Variants in FAM117A observed in about 807,000 individuals in gnomAD.
FAM117A encodes family with sequence similarity 117 member A.
FAM117A carries 21 observed loss-of-function variants against 44.1 expected under a neutral mutation model. The observed-to-expected ratio is 0.48, with a 90% CI of 0.34 to 0.69. The LOEUF is 0.69. Ranked by LOEUF, FAM117A falls within the 30% of genes least tolerant of loss-of-function variation. FAM117A has a pLI of 0.01. For missense variants in FAM117A, 498 were observed against 589.9 expected (o/e 0.84, Z 1.61); for synonymous variants, 220 against 238.3 (o/e 0.92, Z 0.71).
At chr17:49,711,683 A>G in intron 7 of FAM117A, 128 bp from the exon 8 acceptor site, 2 of 859,830 alleles carry the variant, frequency 2.3e-6, no homozygotes, top group Non-Finnish European at 3.5e-6. Context: ...CAGAATTGGA[A>G]CTTGACCGAA....
intron 2 of FAM117A, among the ~76,000 whole-genome samples, chr17:49,730,935 CTCCATCTCA>C (rs1267858570): frequency 6.6e-6 from 1 of 152,160 alleles, no homozygotes; most frequent in African/African-American, 2.4e-5. Flanking sequence ...AGATATTTGG[CTCCATCTCA>C]TCCCTTGGCT....
chr17:49,788,709 G>A, upstream of FAM117A: 1 of 1,018,672 alleles, frequency 9.8e-7, no homozygotes, highest in South Asian at 1.7e-5. Context: ...TGAGAGGCAG[G>A]AGGCACTAGG....
intron 5 of FAM117A, among the ~76,000 whole-genome samples, chr17:49,719,114 TAGTC>T (rs1207053241): frequency 1.3e-5 from 2 of 149,860 alleles, no homozygotes; most frequent in African/African-American, 2.5e-5. Flanking sequence ...ATACAAAAAT[TAGTC>T]AGGCGTGGTG....
intron 1 of FAM117A, among the ~76,000 whole-genome samples, chr17:49,738,082 T>C (rs1480775561): frequency 6.6e-6 from 1 of 152,232 alleles, no homozygotes; most frequent in African/African-American, 2.4e-5. Flanking sequence ...AGGAAGCCTT[T>C]GAAACTTGAA....
intron 1 of FAM117A, among the ~76,000 whole-genome samples, chr17:49,738,475 G>C (rs946849639): frequency 6.6e-6 from 1 of 152,202 alleles, no homozygotes; most frequent in Admixed American, 6.5e-5. Flanking sequence ...CCCCAATCCA[G>C]AATCTGCAGC....
rs373170061 is a variant in FAM117A, at chr17:49,732,715, C to T, written c.202G>A (p.Val68Ile). 9.9e-6 allele frequency: 16 copies of T among 1,612,830 alleles called. No homozygotes were observed. The highest frequency in any genetic ancestry group is 2.2e-5 in the East Asian group (1 of 44,842). Residue 68 changes from valine (V) to isoleucine (I), a missense_variant, in exon 2 of 8, where the codon GTC becomes ATC. Physicochemically the swap from Val to Ile is conservative, Grantham distance 29. Transcript: ENST00000240364. ...RRDGGGRAASVPCSVAPEKSV... is the reference protein window; with the variant it reads ...RRDGGGRAASIPCSVAPEKSV... ...TTTTCTGGGGCCACCGAGCATGGGA[C>T]GCTGGCTGCAAGAGAACACAGCCCG... is the stretch of plus-strand genomic sequence containing the variant.
At chr17:49,776,899 C>A (rs2143802199) in intron 1 of FAM117A, among the ~76,000 whole-genome samples, 1 of 152,292 alleles carries the variant, frequency 6.6e-6, no homozygotes, top group South Asian at 2.1e-4. Context: ...AGAATCCATG[C>A]AGGACCAGAA....
At chr17:49,723,315 A>G (rs2073544062) in intron 2 of FAM117A, among the ~76,000 whole-genome samples, 1 of 152,108 alleles carries the variant, frequency 6.6e-6, no homozygotes, top group Non-Finnish European at 1.5e-5. Context: ...CAGCCCTCAT[A>G]AAAACAGGGC....
chr17:49,719,582 T>A (rs887922755), intron 5 of FAM117A, 178 bp downstream of exon 5: 30 of 759,172 alleles, frequency 4.0e-5, no homozygotes, highest in Non-Finnish European at 5.6e-5. Flanking sequence ...TGACATGGGT[T>A]AAGGCCATTT....
At chr17:49,760,332 C>G (rs1315991335) in intron 1 of FAM117A, among the ~76,000 whole-genome samples, 1 of 151,976 alleles carries the variant, frequency 6.6e-6, no homozygotes, top group Non-Finnish European at 1.5e-5. Context: ...CTGTTTGAGA[C>G]AAGAGTTGGC....
intron 1 of FAM117A, among the ~76,000 whole-genome samples, chr17:49,776,024 A>AC (rs920573953): frequency 5.3e-5 from 8 of 151,534 alleles, no homozygotes; most frequent in Admixed American, 2.6e-4. Context: ...AAAAAGCACC[A>AC]CCCCCCTCCC....
chr17:49,786,913 G>A (rs1198890403), intron 1 of FAM117A, among the ~76,000 whole-genome samples: 2 of 151,850 alleles, frequency 1.3e-5, no homozygotes, highest in East Asian at 1.9e-4. Context: ...GTGAAACTCT[G>A]TCTCTACAAA....
intron 3 of FAM117A, 75 bp downstream of exon 3, chr17:49,722,424 G>T: frequency 8.5e-7 from 1 of 1,181,340 alleles, no homozygotes. Flanking sequence ...CCACCATGGA[G>T]CAGATGCATT....
intron 1 of FAM117A, among the ~76,000 whole-genome samples, chr17:49,734,142 CAAAA>C (rs55925044): frequency 5.0e-5 from 3 of 59,428 alleles, no homozygotes; most frequent in Admixed American, 4.0e-4. Flanking sequence ...GACTCTGTCT[CAAAA>C]AAAAAAAAAA....
chr17:49,719,410 C>T (rs1367420547), intron 5 of FAM117A, among the ~76,000 whole-genome samples: 6 of 152,178 alleles, frequency 3.9e-5, no homozygotes, highest in Non-Finnish European at 7.3e-5. Flanking sequence ...CAGGGAGCAG[C>T]AGGCACTGAG....
upstream of FAM117A, among the ~76,000 whole-genome samples, chr17:49,765,285 A>G (rs1333298377): frequency 6.6e-6 from 1 of 152,248 alleles, no homozygotes; most frequent in Non-Finnish European, 1.5e-5. Context: ...AAATAATTGA[A>G]TAATTCCCTC....
intron 1 of FAM117A, among the ~76,000 whole-genome samples, chr17:49,736,379 C>T (rs954205124): frequency 6.6e-6 from 1 of 152,050 alleles, no homozygotes; most frequent in Non-Finnish European, 1.5e-5. Context: ...GCCTCAGCCT[C>T]CCAAATAACT....
chr17:49,787,831 A>G (rs980265001), intron 1 of FAM117A, among the ~76,000 whole-genome samples: 3 of 152,212 alleles, frequency 2.0e-5, no homozygotes, highest in African/African-American at 7.2e-5. Flanking sequence ...CAACTTCACT[A>G]AAAACATTCC....
At chr17:49,765,085 T>C (rs1036014795), upstream of FAM117A, among the ~76,000 whole-genome samples, 2 of 152,206 alleles carry the variant, frequency 1.3e-5, no homozygotes, top group Non-Finnish European at 2.9e-5. Flanking sequence ...ATGCATGCAG[T>C]TGTGAAAAGC....
Sources: gnomAD v4.1 joint callset for allele counts (sites outside exome capture counted in the v4.1 genomes callset) on GRCh38, gnomAD v4.1.1 for gene constraint, MANE v1.5 for transcripts, NCBI Gene and HGNC (gene_info 2026-07-23, HGNC 2026-07-21) for gene names.